VSTM4: variants seen among roughly 807,000 people sequenced by gnomAD.
VSTM4 encodes the protein V-set and transmembrane domain-containing protein 4.
A neutral mutation model predicts 36.4 loss-of-function variants in VSTM4; 20 were observed. The ratio of observed to expected loss-of-function variants is 0.55; its 90% CI spans 0.39 to 0.80. The LOEUF (loss-of-function observed/expected upper bound fraction) is 0.80, where lower values mean the gene tolerates loss of function less well. VSTM4 is among the 30% of genes least tolerant of loss of function. The pLI is 0.00. For synonymous variants in VSTM4, 182 were observed against 173.9 expected, an observed-to-expected ratio of 1.05 and a Z score of -0.37; for missense variants, 392 against 404.5, an observed-to-expected ratio of 0.97 and a Z score of 0.26.
chr10:49,092,137 A>G (rs1475594702), intron 2 of VSTM4, among the ~76,000 whole-genome samples: 1 of 152,200 alleles, frequency 6.6e-6, no homozygotes, highest in Admixed American at 6.5e-5. Context: ...TGCCTTCCTT[A>G]GTGCTCTAAA....
At chr10:49,086,648 A>T (rs1274991591) in intron 2 of VSTM4, among the ~76,000 whole-genome samples, 5 of 152,228 alleles carry the variant, frequency 3.3e-5, no homozygotes, top group African/African-American at 4.8e-5. Flanking sequence ...TTCCATGTAC[A>T]GGGGTAACAT....
chr10:49,066,008 T>C (rs1226361696), intron 4 of VSTM4, among the ~76,000 whole-genome samples: 6 of 152,084 alleles, frequency 3.9e-5, no homozygotes, highest in African/African-American at 1.2e-4. Context: ...CATGTGTCCC[T>C]GGCACTATTC....
chr10:49,018,691 C>T lies in VSTM4; in HGVS notation c.*959G>A, dbSNP rs1289946165. 6.6e-6 allele frequency: 1 copy of T among 152,232 alleles called. No individual in the cohort carries two copies. The highest frequency in any genetic ancestry group is 2.4e-5 in the African/African-American group (1 of 41,464). 9.4% of individuals were successfully genotyped at this position (152,232 alleles called of 1,614,324 possible). On this transcript the variant is annotated 3_prime_UTR_variant, in exon 8 of 8. Transcript: ENST00000332853. ...CCCCATTCAAACCCATTAGAATTCA[C>T]ACACAAGGTTGCAATGGGCAAGGCA...
chr10:49,038,469 G>T (rs1402822965), intron 7 of VSTM4, among the ~76,000 whole-genome samples: 1 of 152,172 alleles, frequency 6.6e-6, no homozygotes, highest in Non-Finnish European at 1.5e-5. Flanking sequence ...GGAGTGGGGG[G>T]TGTTTCTTGA....
chr10:49,097,962 G>T (rs754193737), intron 2 of VSTM4, among the ~76,000 whole-genome samples: 2 of 152,188 alleles, frequency 1.3e-5, no homozygotes, highest in Non-Finnish European at 2.9e-5. Flanking sequence ...CAAGAACCAA[G>T]AGTATTTGGG....
Position 49,114,274 on chromosome 10 carries a change from T to C in VSTM4, c.55+1157A>G, listed in dbSNP as rs140229191. ...TTCCCACTGTTATCCAAGTGCCTCC[T>C]CCTCAGACTGGGATCTATGGATTAA... On this transcript the variant is annotated intron_variant, in intron 1 of 7. Coordinates refer to ENST00000332853, the MANE Select transcript of VSTM4 (RefSeq NM_001031746.5). Among the ~76,000 whole-genome samples, 98 of 152,316 alleles carry C rather than the reference T, an allele frequency of 6.4e-4. 2 individuals are homozygous for C. The East Asian group carries it at 0.018, about 27-fold the overall frequency.
chr10:49,108,294 C>G (rs1016674209), intron 1 of VSTM4, among the ~76,000 whole-genome samples: 1 of 152,224 alleles, frequency 6.6e-6, no homozygotes, highest in Non-Finnish European at 1.5e-5. Context: ...GTTTAAAATT[C>G]AAATTTCATG....
chr10:49,077,169 G>A, intron 4 of VSTM4, 50 bp downstream of exon 4: 1 of 1,571,534 alleles, frequency 6.4e-7, no homozygotes, highest in Non-Finnish European at 8.7e-7. Context: ...CCGCCCGTCT[G>A]TGGTCGGGGT....
intron 2 of VSTM4, among the ~76,000 whole-genome samples, chr10:49,096,721 C>A (rs1262335048): frequency 1.3e-5 from 2 of 151,418 alleles, no homozygotes; most frequent in Non-Finnish European, 2.9e-5. Flanking sequence ...ATGACACGAT[C>A]TCGGCTCACT....
chr10:49,103,623 A>G (rs775940801), intron 2 of VSTM4: 28 of 1,497,284 alleles, frequency 1.9e-5, no homozygotes, highest in Non-Finnish European at 2.5e-5. Context: ...TAAATATATC[A>G]TCGCAAGTCA....
At position 49,018,385 on chromosome 10, in the gene VSTM4, G is replaced by A. The variant is rs1843132537; in HGVS notation, c.*1265C>T. ...CAAACATGGAGTCTGAGGTCATTAG[G>A]GGATAAGAAATTTAGCCAAGTTCAC... On this transcript the variant is annotated 3_prime_UTR_variant, in exon 8 of 8. Transcript: ENST00000332853. 1 of 152,132 alleles carries A rather than the reference G, an allele frequency of 6.6e-6. No homozygotes were observed. Among genetic ancestry groups the A allele is most frequent in the African/African-American group, 2.4e-5 (1 of 41,412 alleles). 9.4% of individuals were successfully genotyped at this position (152,132 alleles called of 1,614,324 possible).
intron 5 of VSTM4, among the ~76,000 whole-genome samples, chr10:49,050,973 C>T (rs917584708): frequency 2.0e-5 from 3 of 152,210 alleles, no homozygotes; most frequent in Admixed American, 6.5e-5. Context: ...CACCTCCACA[C>T]ATGCACAGCC....
intron 7 of VSTM4, among the ~76,000 whole-genome samples, chr10:49,040,159 A>G (rs1482104218): frequency 6.6e-6 from 1 of 152,234 alleles, no homozygotes; most frequent in Non-Finnish European, 1.5e-5. Context: ...TGTGTGATCC[A>G]TGTGGCCTCA....
At chr10:49,112,500 G>A (rs934539969) in intron 1 of VSTM4, among the ~76,000 whole-genome samples, 1 of 152,252 alleles carries the variant, frequency 6.6e-6, no homozygotes, top group Non-Finnish European at 1.5e-5. Context: ...GGAAAAGGAT[G>A]CCTTTCACAG....
At chr10:49,099,835 G>C (rs1004770628) in intron 2 of VSTM4, among the ~76,000 whole-genome samples, 1 of 152,086 alleles carries the variant, frequency 6.6e-6, no homozygotes, top group African/African-American at 2.4e-5. Context: ...GCTAGAGACA[G>C]AGCAAAACCC....
chr10:49,044,324 C>T (rs1329482574), intron 7 of VSTM4, among the ~76,000 whole-genome samples: 1 of 145,738 alleles, frequency 6.9e-6, no homozygotes, highest in African/African-American at 2.6e-5. Context: ...CAAGACTCTG[C>T]CTCAGAAAAG....
intron 4 of VSTM4, among the ~76,000 whole-genome samples, chr10:49,069,982 G>A (rs1844044547): frequency 1.6e-5 from 1 of 61,908 alleles, no homozygotes. Context: ...GCCGGGCGCG[G>A]TGGCTCACGC....
chr10:49,064,787 T>C (rs369179640), intron 4 of VSTM4, 51 bp from the exon 5 acceptor site: 112 of 1,577,070 alleles, frequency 7.1e-5, no homozygotes, highest in Non-Finnish European at 9.2e-5. Flanking sequence ...ACTTCAGATA[T>C]ATATGCTCCA....
rs1564602640 is a variant in VSTM4 at position 49,115,462 on chromosome 10, C to T, written c.24G>A (p.Ala8=). 1 of 1,037,576 alleles carries T rather than the reference C, an allele frequency of 9.6e-7. No homozygotes were observed. Among genetic ancestry groups the T allele is most frequent in the Non-Finnish European group, 1.2e-6 (1 of 859,066 alleles). The allele number at this position is 1,037,576 out of a possible 1,614,324, so 64.3% of individuals were successfully genotyped here. ...CCGGAGCCCGCGCCAGCAGCGCGGC[C>T]GCCGCCAGTGCCAGCAGCCGCATCT... MRLLALA[A]AALLARAPAP... The change falls in exon 1 of 8, where the codon GCG becomes GCA. Residue 8 remains alanine (A), a synonymous_variant. Transcript: ENST00000332853.
Sources: allele counts gnomAD v4.1 joint callset (sites outside exome capture counted in the v4.1 genomes callset), GRCh38; gene constraint gnomAD v4.1.1; transcripts MANE v1.5; gene names NCBI Gene and HGNC (gene_info 2026-07-23, HGNC 2026-07-21).